The following UBE3B variants were observed in gnomAD, a reference collection of about 807,000 sequenced individuals.
UBE3B encodes the protein ubiquitin-protein ligase E3B.
UBE3B carries 80 observed loss-of-function variants against 132.3 expected under a neutral mutation model. That is an observed-to-expected ratio of 0.60 (90% CI 0.50 to 0.73). UBE3B has a LOEUF of 0.73. UBE3B is among the 30% of genes least tolerant of loss of function. The pLI is 0.00. For missense variants in UBE3B, 1,196 were observed against 1,362.5 expected, an observed-to-expected ratio of 0.88 and a Z score of 1.92; for synonymous variants, 487 against 520.4, an observed-to-expected ratio of 0.94 and a Z score of 0.87.
At chr12:109,495,112 G>T (rs986364486) in intron 9 of UBE3B, among the ~76,000 whole-genome samples, 1 of 152,212 alleles carries the variant, frequency 6.6e-6, no homozygotes, top group African/African-American at 2.4e-5. Flanking sequence ...AGATCAGAGA[G>T]GTTAGCTCAG....
chr12:109,524,302 A>G, intron 22 of UBE3B, 136 bp from the exon 23 acceptor site: 1 of 1,349,466 alleles, frequency 7.4e-7, no homozygotes, highest in Non-Finnish European at 1.0e-6. Context: ...AAAGTCACGA[A>G]TGACTTTCTT....
chr12:109,535,026 C>G lies in UBE3B; in HGVS notation c.*244C>G. The G allele has an allele frequency of 2.7e-6, 1 of 374,714 alleles. No homozygotes were observed. Among genetic ancestry groups the G allele is most frequent in the Non-Finnish European group, 4.7e-6 (1 of 211,208 alleles). The allele number at this position is 374,714 out of a possible 1,614,324, so 23.2% of individuals were successfully genotyped here. On this transcript the variant is annotated 3_prime_UTR_variant, in exon 28 of 28. Transcript: ENST00000342494. ...AATAAACCTCCAGATTCCACCAACA[C>G]GGGTCCATTCTTCCTGGTGATGGCA...
At chr12:109,493,367 C>G (rs903553590) in intron 9 of UBE3B, among the ~76,000 whole-genome samples, 7 of 152,204 alleles carry the variant, frequency 4.6e-5, no homozygotes, top group Admixed American at 1.3e-4. Flanking sequence ...GCTCTAGGAG[C>G]ACCTCACCTT....
At chr12:109,524,205 T>A in intron 22 of UBE3B, 90 bp downstream of exon 22, 1 of 1,556,256 alleles carries the variant, frequency 6.4e-7, no homozygotes, top group Non-Finnish European at 8.7e-7. Flanking sequence ...TGTCCTCTCT[T>A]ATTGCTGTTG....
chr12:109,521,597 G>A lies in UBE3B; in HGVS notation c.2364+46G>A, dbSNP rs1314393655. On this transcript the variant is annotated intron_variant, in intron 21 of 27. Transcript: ENST00000342494. This position sits in a 1 kb window ranked among gnomAD's most constrained non-coding sequence, Gnocchi z 4.2. ...AGAAATGTAAAATAAAATGTTAACGGTACCATGGGCTTCTTCACATACACA... is the reference window on the plus strand; with the variant it reads ...AGAAATGTAAAATAAAATGTTAACGATACCATGGGCTTCTTCACATACACA... The A allele has an allele frequency of 2.0e-6, 3 of 1,482,954 alleles. No homozygotes were observed. The East Asian group carries it at 6.9e-5, about 34-fold the overall frequency. 91.9% of individuals were successfully genotyped at this position (1,482,954 alleles called of 1,614,324 possible).
chr12:109,486,133 G>T, intron 5 of UBE3B, 62 bp downstream of exon 5: 1 of 1,512,376 alleles, frequency 6.6e-7, no homozygotes. Context: ...ACTGGGCTCT[G>T]AAAGTTCCTG....
intron 14 of UBE3B, among the ~76,000 whole-genome samples, chr12:109,504,863 A>G (rs1470623474): frequency 6.7e-6 from 1 of 149,590 alleles, no homozygotes; most frequent in Non-Finnish European, 1.5e-5. Flanking sequence ...GTAGTGCAGT[A>G]GCGCAATCTC....
intron 23 of UBE3B, among the ~76,000 whole-genome samples, chr12:109,526,119 G>A (rs1882305940): frequency 6.6e-6 from 1 of 152,160 alleles, no homozygotes; most frequent in South Asian, 2.1e-4. Flanking sequence ...ACATCCCGAA[G>A]TCTTAATACA....
downstream of UBE3B, among the ~76,000 whole-genome samples, chr12:109,537,601 A>C (rs571380686): frequency 1.5e-4 from 23 of 152,348 alleles, 2 homozygotes; most frequent in African/African-American, 5.1e-4. Flanking sequence ...TAACTAAAAG[A>C]AAAAACAGTG....
In UBE3B at chr12:109,486,508, C is replaced by G; in HGVS notation, c.380C>G (p.Thr127Ser). The G allele has an allele frequency of 1.2e-6, 2 of 1,609,670 alleles. No individual in the cohort carries two copies. Among genetic ancestry groups the G allele is most frequent in the Non-Finnish European group, 1.7e-6 (2 of 1,178,138 alleles). ...TCCCTGGCTTGTTCTAAGGACCTCA[C>G]CCTCCTTTGGATTCAACAGATCAAG... ...YVSLACSKDL[T>S]LLWIQQIKNI... is the part of the protein sequence containing the mutation. The change falls in exon 6 of 28, where the codon ACC becomes AGC. Residue 127 changes from threonine (T) to serine (S), a missense_variant. Coordinates refer to ENST00000342494, the MANE Select transcript of UBE3B (RefSeq NM_130466.4).
chr12:109,486,784 A>G (rs1876548640), intron 6 of UBE3B, among the ~76,000 whole-genome samples: 2 of 152,126 alleles, frequency 1.3e-5, no homozygotes, highest in African/African-American at 4.8e-5. Flanking sequence ...TTGCCACGCC[A>G]CAGCCTCCAT....
In UBE3B at chr12:109,533,829, G is replaced by A. The variant is rs377630367; in HGVS notation, c.3015+271G>A. 61 of 1,062,154 alleles carry A rather than the reference G, an allele frequency of 5.7e-5. No individual in the cohort carries two copies. In the South Asian group the frequency reaches 7.4e-4, roughly 13 times the overall value. The allele number at this position is 1,062,154 out of a possible 1,614,324, so 65.8% of individuals were successfully genotyped here. A position where few individuals can be genotyped will look rare whatever the true frequency, so the allele number is the denominator to read the frequency against. ...CCTGGAGTGGGGGTGGGTACGTGCT[G>A]TTTTTAGTGGCGTCTGGCCTCACCA... On this transcript the variant is annotated intron_variant, in intron 27 of 27. Coordinates refer to ENST00000342494, the MANE Select transcript of UBE3B (RefSeq NM_130466.4).
At chr12:109,490,413 C>A (rs968895715) in intron 8 of UBE3B, 76 of 1,526,444 alleles carry the variant, frequency 5.0e-5, no homozygotes, top group Non-Finnish European at 6.1e-5. Context: ...GTTGAGAAAG[C>A]CTGATTGCTG....
chr12:109,483,305 A>G (rs1875798744), intron 2 of UBE3B, among the ~76,000 whole-genome samples: 1 of 152,024 alleles, frequency 6.6e-6, no homozygotes, highest in African/African-American at 2.4e-5. Flanking sequence ...AGAAGATGTG[A>G]TTATTTAATA....
At chr12:109,514,753 C>T (rs1054933680) in intron 18 of UBE3B, among the ~76,000 whole-genome samples, 5 of 151,886 alleles carry the variant, frequency 3.3e-5, no homozygotes, top group African/African-American at 1.2e-4. Flanking sequence ...TCCCTGTGTC[C>T]CCAATCTGTC....
At position 109,521,057 on chromosome 12, in the gene UBE3B, C is replaced by CACATAAATTGCACATT; in HGVS notation, c.2077-91_2077-90insACATAAATTGCACATT. 1 of 1,454,170 alleles carries CACATAAATTGCACATT rather than the reference C, an allele frequency of 6.9e-7. No homozygotes were observed. The highest frequency in any genetic ancestry group is 9.4e-7 in the Non-Finnish European group (1 of 1,065,568). The allele number at this position is 1,454,170 out of a possible 1,614,324, so 90.1% of individuals were successfully genotyped here. ...ATAATTTGCACATTTGGTAATGATG[C>CACATAAATTGCACATT]TGGGAGAGCTTCGCACAGAGGAGAG... On this transcript the variant is annotated intron_variant, in intron 19 of 27. Coordinates refer to ENST00000342494, the MANE Select transcript of UBE3B (RefSeq NM_130466.4). The surrounding 1 kb of genome is among the most constrained non-coding windows in gnomAD (Gnocchi z 4.2).
At chr12:109,540,228 G>A (rs557497964), downstream of UBE3B, among the ~76,000 whole-genome samples, 1 of 152,200 alleles carries the variant, frequency 6.6e-6, no homozygotes, top group East Asian at 1.9e-4. Context: ...TTGAGACAGG[G>A]TCTTGCTGTG....
intron 4 of UBE3B, among the ~76,000 whole-genome samples, chr12:109,484,607 GTCTCGA>G (rs928061504): frequency 6.6e-6 from 1 of 151,990 alleles, no homozygotes; most frequent in Non-Finnish European, 1.5e-5. Flanking sequence ...GGCCAGGATA[GTCTCGA>G]TCTCTTAGCC....
At chr12:109,533,580 G>A in intron 27 of UBE3B, 22 bp downstream of exon 27, 1 of 1,600,866 alleles carries the variant, frequency 6.2e-7, no homozygotes, top group Non-Finnish European at 8.5e-7. Context: ...GGGTGGGTGG[G>A]GAAGAGCCTT....
Sources: allele counts gnomAD v4.1 joint callset (sites outside exome capture counted in the v4.1 genomes callset), GRCh38; gene constraint gnomAD v4.1.1; non-coding constraint Gnocchi (gnomAD v3.1); transcripts MANE v1.5; gene names NCBI Gene and HGNC (gene_info 2026-07-23, HGNC 2026-07-21).